The following GPR137 variants were observed in gnomAD, a reference collection of about 807,000 sequenced individuals.
GPR137 encodes the protein G protein-coupled receptor 137, also known as integral membrane protein GPR137.
Under a neutral mutation model 38.9 loss-of-function variants are expected in GPR137, and 20 were observed. The observed-to-expected ratio is 0.51, with a 90% CI of 0.36 to 0.75. The LOEUF is 0.75. Ranked by LOEUF, GPR137 falls within the 30% of genes least tolerant of loss-of-function variation. The probability of loss-of-function intolerance (pLI) is 0.00; values close to 1 mark genes in which losing one functional copy is unlikely to be tolerated. For synonymous variants in GPR137, 226 were observed against 235.8 expected (o/e 0.96, Z 0.38); for missense variants, 456 against 526.4 (o/e 0.87, Z 1.31).
chr11:64,286,937 C>G (rs1414419969), intron 1 of GPR137, 28 bp from the exon 2 acceptor site: 4 of 1,613,742 alleles, frequency 2.5e-6, no homozygotes, highest in East Asian at 4.5e-5. Flanking sequence ...CAAGGACCCA[C>G]AGGAGTGAAG....
At chr11:64,271,605 G>C, upstream of GPR137, 2 of 1,436,032 alleles carry the variant, frequency 1.4e-6, no homozygotes. Context: ...CTGGGGACTG[G>C]CGCTCACCTT....
chr11:64,274,394 A>G (rs1432543951), upstream of GPR137, among the ~76,000 whole-genome samples: 1 of 151,532 alleles, frequency 6.6e-6, no homozygotes, highest in Non-Finnish European at 1.5e-5. Context: ...CTCGAGAAAA[A>G]AAAAAAAAGC....
upstream of GPR137, chr11:64,284,911 A>T: frequency 1.4e-6 from 2 of 1,424,604 alleles, no homozygotes; most frequent in South Asian, 1.5e-5. Context: ...GGAGCAGGAG[A>T]GGGATTCTCT....
chr11:64,288,878 A>G lies in GPR137; in HGVS notation c.1031+157A>G, dbSNP rs1456193359. 1.0e-6 allele frequency: 1 copy of G among 984,776 alleles called. No individual in the cohort carries two copies. Among genetic ancestry groups the G allele is most frequent in the South Asian group, 4.7e-5 (1 of 21,280 alleles). The allele number at this position is 984,776 out of a possible 1,614,324, so 61.0% of individuals were successfully genotyped here. ...ACTAGGTGAGGTCCCCTGGGTTCCT[A>G]TTGCTAAAGCCTCCACCTCTTGCCT... is the stretch of plus-strand genomic sequence containing the variant. On this transcript the variant is annotated intron_variant, in intron 6 of 6. Transcript: ENST00000438980. This position sits in a 1 kb window ranked among gnomAD's most constrained non-coding sequence, Gnocchi z 5.5.
chr11:64,285,707 G>A (rs1011534541), upstream of GPR137: 3 of 985,190 alleles, frequency 3.0e-6, no homozygotes, highest in Non-Finnish European at 2.4e-6. Flanking sequence ...CCGTAACCCC[G>A]GGCGCCCGCC....
upstream of GPR137, chr11:64,284,254 G>A: frequency 6.2e-7 from 1 of 1,611,118 alleles, no homozygotes; most frequent in African/African-American, 1.3e-5. Context: ...GGGGCCTGGC[G>A]ATGATGCTTG....
upstream of GPR137, among the ~76,000 whole-genome samples, chr11:64,275,464 G>A (rs1591149142): frequency 6.6e-6 from 1 of 152,068 alleles, no homozygotes; most frequent in East Asian, 1.9e-4. Flanking sequence ...GTGAAATGGG[G>A]GCAGTTCCCC....
upstream of GPR137, chr11:64,271,870 G>C: frequency 1.9e-5 from 24 of 1,262,280 alleles, no homozygotes; most frequent in South Asian, 5.7e-4. Flanking sequence ...GGCCCTGCCT[G>C]AACCCTCCCC....
At chr11:64,278,808 A>C (rs907417794) in intron 2 of GPR137, among the ~76,000 whole-genome samples, 6 of 152,188 alleles carry the variant, frequency 3.9e-5, no homozygotes, top group African/African-American at 1.4e-4. Flanking sequence ...GGTGGCAGGG[A>C]CTATGAGGAG....
upstream of GPR137, chr11:64,284,958 CA>C: frequency 7.2e-7 from 1 of 1,394,596 alleles, no homozygotes; most frequent in South Asian, 1.5e-5. Flanking sequence ...CCACTTCTGC[CA>C]ACAAGTCCTT....
Position 64,289,272 on chromosome 11 carries a change from G to A in GPR137, c.*76G>A, listed in dbSNP as rs183799439. The A allele has an allele frequency of 1.9e-5, 31 of 1,612,288 alleles. No homozygotes were observed. Among genetic ancestry groups the A allele is most frequent in the African/African-American group, 6.7e-5 (5 of 74,410 alleles). On this transcript the variant is annotated 3_prime_UTR_variant, in exon 7 of 7. Transcript: ENST00000438980. ...GGCCCCTGTGCCAAGTTTGTCTGCC[G>A]CTTCTTGCCCAGGATCCTGGGGGTC...
intron 2 of GPR137, among the ~76,000 whole-genome samples, chr11:64,277,337 C>G (rs913600744): frequency 6.6e-6 from 1 of 152,228 alleles, no homozygotes; most frequent in African/African-American, 2.4e-5. Context: ...TTGACTATAG[C>G]CTTCCGGTAC....
upstream of GPR137, chr11:64,284,237 G>A (rs752542699): frequency 3.1e-6 from 5 of 1,608,344 alleles, no homozygotes; most frequent in South Asian, 5.5e-5. Flanking sequence ...CGTCCCACAG[G>A]AGGCCTGGGG....
intron 2 of GPR137, among the ~76,000 whole-genome samples, chr11:64,277,280 G>A (rs1292391331): frequency 6.6e-6 from 1 of 152,184 alleles, no homozygotes; most frequent in African/African-American, 2.4e-5. Context: ...CCCACCCTGG[G>A]CAGACACTCG....
chr11:64,287,822 C>T lies in GPR137; in HGVS notation c.509C>T (p.Ala170Val), dbSNP rs1360793859. 6.2e-7 allele frequency: 1 copy of T among 1,606,678 alleles called. No individual in the cohort carries two copies. The highest frequency in any genetic ancestry group is 1.3e-5 in the African/African-American group (1 of 74,922). Residue 170 changes from alanine (A) to valine (V), a missense_variant, in exon 3 of 7, where the codon GCC (alanine) becomes GTC (valine). By Grantham distance (64) the Ala-to-Val change is moderately conservative (BLOSUM62 0). Coordinates refer to ENST00000438980, the MANE Select transcript of GPR137 (RefSeq NM_001170880.2). ...CATCGGCGCCGGGCACAGCCCTGGG[C>T]CCTGCTGCTTGTCCGCGTCCTGGTG... ...LSHRRRAQPW[A>V]LLLVRVLVSD...
In GPR137 at chr11:64,289,159, G is replaced by A; in HGVS notation, c.1154G>A (p.Gly385Asp). The stretch of plus-strand genomic sequence containing the variant: ...TTCTCCCAGGTGCCAGGACCAGGCG[G>A]CCACCACCACAGTCTCTACTCCACC... ...LLFSQVPGPGGHHHSLYSTPQ... is the reference protein window; with the variant it reads ...LLFSQVPGPGDHHHSLYSTPQ... Residue 385 changes from glycine to aspartate, a missense_variant, in exon 7 of 7, where the codon GGC becomes GAC. Coordinates refer to ENST00000438980, the MANE Select transcript of GPR137 (RefSeq NM_001170880.2). The A allele has an allele frequency of 3.7e-6, 6 of 1,613,690 alleles. No homozygotes were observed. The highest frequency in any genetic ancestry group is 5.1e-6 in the Non-Finnish European group (6 of 1,179,782).
At chr11:64,285,183 C>T (rs1218875318), upstream of GPR137, 4 of 988,954 alleles carry the variant, frequency 4.0e-6, no homozygotes, top group African/African-American at 7.0e-5. Flanking sequence ...GCTCCCCGCT[C>T]CTCCTCCCAG....
chr11:64,275,507 G>T (rs1478556987), upstream of GPR137, among the ~76,000 whole-genome samples: 1 of 152,100 alleles, frequency 6.6e-6, no homozygotes, highest in Non-Finnish European at 1.5e-5. Context: ...ACAAATGAGA[G>T]CAGGAAAGCC....
upstream of GPR137, chr11:64,285,662 CG>C (rs2033894955): frequency 1.0e-6 from 1 of 984,882 alleles, no homozygotes; most frequent in Non-Finnish European, 1.2e-6. Context: ...GGATGCGGCA[CG>C]GCCCCCGCAA....
Sources: gnomAD v4.1 joint callset for allele counts (sites outside exome capture counted in the v4.1 genomes callset) on GRCh38, gnomAD v4.1.1 for gene constraint, Gnocchi (gnomAD v3.1) non-coding constraint, MANE v1.5 for transcripts, NCBI Gene and HGNC (gene_info 2026-07-23, HGNC 2026-07-21) for gene names.